ADGRG2: variants seen among roughly 807,000 people sequenced by gnomAD.
ADGRG2 encodes G protein-coupled receptor 64.
ADGRG2 carries 26 observed loss-of-function variants against 74.1 expected under a neutral mutation model. The observed-to-expected ratio is 0.35, with a 90% CI of 0.26 to 0.49. The LOEUF (loss-of-function observed/expected upper bound fraction) is 0.49, where lower values mean the gene tolerates loss of function less well. ADGRG2 is among the 20% of genes least tolerant of loss of function. The pLI is 0.99. For synonymous variants in ADGRG2, 296 were observed against 295.2 expected, an observed-to-expected ratio of 1.00 and a Z score of -0.03; for missense variants, 619 against 763.1, an observed-to-expected ratio of 0.81 and a Z score of 2.22.
At chrX:19,088,743 T>A (rs1458768615) in intron 1 of ADGRG2, among the ~76,000 whole-genome samples, 1 of 111,560 alleles carries the variant, frequency 9.0e-6, no homozygotes, top group Non-Finnish European at 1.9e-5. Context: ...GTCCTGAGAT[T>A]ACAGGTGTGA....
At chrX:19,015,935 C>A (rs1922973524) in intron 15 of ADGRG2, among the ~76,000 whole-genome samples, 1 of 112,329 alleles carries the variant, frequency 8.9e-6, no homozygotes, top group Admixed American at 9.4e-5. Context: ...TCACTGGGCT[C>A]AACTGTGAAG....
intron 2 of ADGRG2, among the ~76,000 whole-genome samples, chrX:19,080,201 C>T (rs1178628052): frequency 1.8e-5 from 2 of 109,322 alleles, no homozygotes; most frequent in Middle Eastern, 5.0e-3. Flanking sequence ...TGAGCCACCG[C>T]GCCCGGCTGA....
chrX:19,093,937 A>G (rs1028355430), intron 1 of ADGRG2, among the ~76,000 whole-genome samples: 6 of 105,687 alleles, frequency 5.7e-5, no homozygotes, highest in Non-Finnish European at 1.2e-4. Context: ...ACACACACAC[A>G]CCCCATGGAA....
chrX:18,995,051 A>G lies in ADGRG2; in HGVS notation c.2717-3T>C, dbSNP rs1209725992. The G allele has an allele frequency of 8.4e-7, 1 of 1,184,327 alleles. No homozygotes were observed. Among genetic ancestry groups the G allele is most frequent in the East Asian group, 3.0e-5 (1 of 33,274 alleles). On this transcript the variant is annotated splice_region_variant and splice_polypyrimidine_tract_variant and intron_variant, in intron 27 of 28. Coordinates refer to ENST00000379869, the MANE Select transcript of ADGRG2 (RefSeq NM_001079858.3). ...ATTAGTAGCAGTTTTACTCCAGTCTACAGCAGAATAAGCATTACAGAAAAA... is the reference window on the plus strand; with the variant it reads ...ATTAGTAGCAGTTTTACTCCAGTCTGCAGCAGAATAAGCATTACAGAAAAA...
rs201930502 is a variant in ADGRG2 at position 19,003,020 on chromosome X, C to T, written c.2056G>A (p.Ala686Thr). ...CAGAGGCCTTGCATCTTATACAGAG[C>T]AATCCACGAGTCCAGGAGGAAGACC... ...NLVFLLDSWI[A>T]LYKMQGLCIS... The change falls in exon 24 of 29, where the codon GCT becomes ACT. Residue 686 changes from alanine (A) to threonine (T), a missense_variant. Transcript: ENST00000379869. 4.7e-5 allele frequency: 57 copies of T among 1,201,254 alleles called. No homozygotes were observed. The highest frequency in any genetic ancestry group is 1.3e-4 in the Admixed American group (6 of 45,645).
chrX:19,022,102 A>G (rs1387437033), intron 13 of ADGRG2, among the ~76,000 whole-genome samples: 9 of 110,360 alleles, frequency 8.2e-5, no homozygotes, highest in Non-Finnish European at 3.8e-5. Flanking sequence ...TGTCTCTACT[A>G]AAAATACAAA....
chrX:19,109,140 G>A lies in ADGRG2; in HGVS notation c.-47+13302C>T, dbSNP rs925931821. Among the ~76,000 whole-genome samples, 9 of 111,440 alleles carry A rather than the reference G, an allele frequency of 8.1e-5. 1 individual carries two copies. In the East Asian group the frequency reaches 2.5e-3, roughly 31 times the overall value. ...CTTGCCTGCTTTCATAAGGATGGCT[G>A]CTTGAAATGATGAATCGTGATGAAC... On this transcript the variant is annotated intron_variant, in intron 1 of 28. Transcript: ENST00000379869.
At chrX:19,042,740 C>T (rs2061094646) in intron 3 of ADGRG2, among the ~76,000 whole-genome samples, 1 of 111,145 alleles carries the variant, frequency 9.0e-6, no homozygotes, top group African/African-American at 3.3e-5. Context: ...TCTATAATCC[C>T]AGCATTTTAG....
At chrX:19,119,736 C>T (rs984338298) in intron 1 of ADGRG2, among the ~76,000 whole-genome samples, 1 of 111,681 alleles carries the variant, frequency 9.0e-6, no homozygotes, top group Non-Finnish European at 1.9e-5. Context: ...ATGATCACAT[C>T]AGCCATGGAA....
chrX:19,025,895 C>T (rs1419862476), intron 11 of ADGRG2, among the ~76,000 whole-genome samples: 1 of 101,397 alleles, frequency 9.9e-6, no homozygotes, highest in African/African-American at 3.6e-5. Context: ...GACTCCATCT[C>T]AAAAAAAAAA....
intron 3 of ADGRG2, among the ~76,000 whole-genome samples, chrX:19,053,431 C>T (rs1046518387): frequency 9.0e-6 from 1 of 111,153 alleles, no homozygotes; most frequent in Non-Finnish European, 1.9e-5. Context: ...TATCGAACTC[C>T]CATAGTCCAC....
chrX:19,083,091 C>T (rs1361998427), intron 1 of ADGRG2, among the ~76,000 whole-genome samples: 2 of 111,206 alleles, frequency 1.8e-5, no homozygotes, highest in East Asian at 5.6e-4. Context: ...GCAGCCTCTA[C>T]CTCCCAGGTT....
At chrX:19,071,325 C>T (rs2061650153) in intron 2 of ADGRG2, among the ~76,000 whole-genome samples, 1 of 111,882 alleles carries the variant, frequency 8.9e-6, no homozygotes, top group Non-Finnish European at 1.9e-5. Context: ...TTTCTCCCTC[C>T]TCTTTTAACC....
At chrX:19,003,143 A>G (rs2060162778) in intron 23 of ADGRG2, 29 bp from the exon 24 acceptor site, 2 of 1,141,372 alleles carry the variant, frequency 1.8e-6, no homozygotes, top group Non-Finnish European at 1.2e-6. Context: ...AACAAGAATG[A>G]GCATTCTACT....
At chrX:19,038,122 G>A (rs2060980545) in intron 4 of ADGRG2, among the ~76,000 whole-genome samples, 2 of 112,034 alleles carry the variant, frequency 1.8e-5, no homozygotes, top group Admixed American at 1.9e-4. Flanking sequence ...AGATTTCCTG[G>A]TAAGTTATTT....
At chrX:19,077,828 C>T (rs1042205693) in intron 2 of ADGRG2, among the ~76,000 whole-genome samples, 10 of 112,255 alleles carry the variant, frequency 8.9e-5, no homozygotes, top group Non-Finnish European at 1.5e-4. Flanking sequence ...GAATTGAAGA[C>T]TGAAGAAATT....
At chrX:19,011,576 G>A (rs1192695095) in intron 16 of ADGRG2, among the ~76,000 whole-genome samples, 1 of 111,745 alleles carries the variant, frequency 8.9e-6, no homozygotes, top group Non-Finnish European at 1.9e-5. Context: ...ACGGTGGCTC[G>A]CGCCTGTAAT....
intron 1 of ADGRG2, among the ~76,000 whole-genome samples, chrX:19,106,226 G>A (rs990669003): frequency 2.7e-5 from 3 of 110,891 alleles, no homozygotes; most frequent in Non-Finnish European, 5.7e-5. Context: ...CTGCTCCTGG[G>A]GTGGGGTGGG....
At chrX:19,097,069 G>A (rs2062108196) in intron 1 of ADGRG2, among the ~76,000 whole-genome samples, 1 of 112,170 alleles carries the variant, frequency 8.9e-6, no homozygotes, top group African/African-American at 3.2e-5. Context: ...TTCCTCCTTG[G>A]CCATGCCACT....
Sources: gnomAD v4.1 joint callset for allele counts (sites outside exome capture counted in the v4.1 genomes callset) on GRCh38, gnomAD v4.1.1 for gene constraint, MANE v1.5 for transcripts, NCBI Gene and HGNC (gene_info 2026-07-23, HGNC 2026-07-21) for gene names.